The following RGPD2 variants were observed in gnomAD, a reference collection of about 807,000 sequenced individuals.
RGPD2 encodes RANBP2-like and GRIP domain-containing protein 2.
A neutral mutation model predicts 36.0 loss-of-function variants in RGPD2; 2 were observed. The ratio of observed to expected loss-of-function variants is 0.06; its 90% CI spans 0.02 to 0.17. The LOEUF (loss-of-function observed/expected upper bound fraction) is 0.17. Ranked by LOEUF, RGPD2 falls within the 10% of genes least tolerant of loss-of-function variation. RGPD2 has a pLI of 1.00. For missense variants in RGPD2, 40 were observed against 464.3 expected (o/e 0.09, Z 8.40); for synonymous variants, 19 against 163.8 (o/e 0.12, Z 6.75).
intron 1 of RGPD2, chr2:87,824,887 GCA>G: frequency 5.3e-6 from 1 of 188,030 alleles, no homozygotes; most frequent in Non-Finnish European, 9.9e-6. Context: ...CGCCGCCGCC[GCA>G]CATTAACCTT....
At chr2:87,927,694 A>G in the RGPD2 span, among the ~76,000 whole-genome samples, 4 of 151,430 alleles carry the variant, frequency 2.6e-5, no homozygotes, top group African/African-American at 9.7e-5. Flanking sequence ...TTTAAAGAAA[A>G]AAACAATTCT....
the RGPD2 span, among the ~76,000 whole-genome samples, chr2:87,882,415 G>A: frequency 1.4e-4 from 22 of 152,156 alleles, no homozygotes; most frequent in Admixed American, 2.6e-4. Flanking sequence ...CACTAGTTAC[G>A]CAGGGTTATT....
the RGPD2 span, among the ~76,000 whole-genome samples, chr2:87,961,563 G>A: frequency 4.6e-5 from 7 of 151,318 alleles, no homozygotes; most frequent in Non-Finnish European, 8.8e-5. Flanking sequence ...TTACCCGGGC[G>A]TGGAGGTGGG....
chr2:87,869,857 A>C, the RGPD2 span, among the ~76,000 whole-genome samples: 29 of 152,356 alleles, frequency 1.9e-4, no homozygotes, highest in East Asian at 4.8e-3. Flanking sequence ...CATTTGATGA[A>C]GTAGATCATT....
chr2:87,884,403 A>T, the RGPD2 span, among the ~76,000 whole-genome samples: 1 of 152,034 alleles, frequency 6.6e-6, no homozygotes, highest in African/African-American at 2.4e-5. Flanking sequence ...TAAAAGAAGA[A>T]CAGACTAGTC....
chr2:87,761,004 G>GT (rs1195943828), intron 22 of RGPD2, among the ~76,000 whole-genome samples: 1 of 133,614 alleles, frequency 7.5e-6, no homozygotes, highest in Admixed American at 7.6e-5. Context: ...CTCTTGTTCT[G>GT]TTTTTTCTTT....
At chr2:87,886,906 C>T in the RGPD2 span, among the ~76,000 whole-genome samples, 20 of 151,766 alleles carry the variant, frequency 1.3e-4, no homozygotes, top group Middle Eastern at 6.8e-3. Context: ...TAAGCATGTA[C>T]CCAAGGTCAC....
At chr2:87,920,483 C>T in the RGPD2 span, among the ~76,000 whole-genome samples, 1 of 141,682 alleles carries the variant, frequency 7.1e-6, no homozygotes, top group South Asian at 2.2e-4. Context: ...ACCTACAACG[C>T]CCAAGCAGTA....
At chr2:87,836,102 C>T in the RGPD2 span, among the ~76,000 whole-genome samples, 2 of 152,058 alleles carry the variant, frequency 1.3e-5, no homozygotes, top group African/African-American at 4.8e-5. Context: ...TAGAGGTCAA[C>T]ATTCATATCC....
the RGPD2 span, among the ~76,000 whole-genome samples, chr2:87,915,385 G>GTATATTATATATAT: frequency 9.2e-6 from 1 of 109,070 alleles, no homozygotes; most frequent in East Asian, 2.5e-4. Context: ...TATATATATT[G>GTATATTATATATAT]TATATATATG....
At chr2:87,843,823 CAAT>C in the RGPD2 span, among the ~76,000 whole-genome samples, 1 of 151,764 alleles carries the variant, frequency 6.6e-6, no homozygotes, top group Non-Finnish European at 1.5e-5. Flanking sequence ...AAATGTCCAA[CAAT>C]GATAGACTGG....
At chr2:87,855,145 T>C in the RGPD2 span, among the ~76,000 whole-genome samples, 2 of 151,810 alleles carry the variant, frequency 1.3e-5, no homozygotes, top group African/African-American at 2.4e-5. Context: ...CTTCATCTTA[T>C]ACCTGAAATT....
At chr2:87,854,878 CAAAT>C in the RGPD2 span, among the ~76,000 whole-genome samples, 2 of 152,238 alleles carry the variant, frequency 1.3e-5, no homozygotes, top group East Asian at 3.9e-4. Flanking sequence ...TATTAATTGA[CAAAT>C]AAAAATTGTA....
the RGPD2 span, among the ~76,000 whole-genome samples, chr2:87,897,711 T>C: frequency 3.9e-5 from 6 of 152,002 alleles, no homozygotes; most frequent in African/African-American, 1.5e-4. Flanking sequence ...CACTTATAAG[T>C]GAGAACATGC....
the RGPD2 span, among the ~76,000 whole-genome samples, chr2:87,830,890 T>C: frequency 2.0e-5 from 3 of 152,122 alleles, no homozygotes; most frequent in Non-Finnish European, 4.4e-5. Flanking sequence ...TAAATGGGGA[T>C]TATGGGAGTT....
the RGPD2 span, among the ~76,000 whole-genome samples, chr2:87,974,595 A>G: frequency 1.3e-5 from 2 of 152,162 alleles, no homozygotes; most frequent in African/African-American, 4.8e-5. Context: ...CTAACATTTC[A>G]ATCAGCTAAA....
the RGPD2 span, among the ~76,000 whole-genome samples, chr2:87,836,346 AAAAAG>A: frequency 5.4e-5 from 8 of 148,998 alleles, no homozygotes; most frequent in Admixed American, 1.3e-4. Flanking sequence ...AGGAAGGAAA[AAAAAG>A]AAAAGAAAAG....
the RGPD2 span, among the ~76,000 whole-genome samples, chr2:87,967,251 C>CA: frequency 9.0e-3 from 1,293 of 143,070 alleles, 77 homozygotes; most frequent in African/African-American, 0.035. Context: ...ACTAAAAATA[C>CA]AAAAAAATTA....
At chr2:87,884,105 A>G in the RGPD2 span, among the ~76,000 whole-genome samples, 5 of 152,140 alleles carry the variant, frequency 3.3e-5, no homozygotes, top group African/African-American at 4.8e-5. Flanking sequence ...ATCATTTTCC[A>G]TCGTAATGGT....
Sources: allele counts gnomAD v4.1 joint callset (sites outside exome capture counted in the v4.1 genomes callset), GRCh38; gene constraint gnomAD v4.1.1; transcripts MANE v1.5; gene names NCBI Gene and HGNC (gene_info 2026-07-23, HGNC 2026-07-21).